CDKAL1: variants seen among roughly 807,000 people sequenced by gnomAD.
CDKAL1 encodes CDKAL1 threonylcarbamoyladenosine tRNA methylthiotransferase.
A neutral mutation model predicts 68.2 loss-of-function variants in CDKAL1; 32 were observed. The observed-to-expected ratio is 0.47, with a 90% CI of 0.35 to 0.63. The LOEUF (loss-of-function observed/expected upper bound fraction) is 0.63, where lower values mean the gene tolerates loss of function less well. Among genes scored for constraint, CDKAL1 ranks in the 30% least tolerant of loss-of-function variants. The pLI, the probability that CDKAL1 is intolerant of heterozygous loss-of-function variation, is 0.00. For synonymous variants in CDKAL1, 234 were observed against 244.3 expected (o/e 0.96, Z 0.39); for missense variants, 606 against 696.7 (o/e 0.87, Z 1.47).
intron 6 of CDKAL1, among the ~76,000 whole-genome samples, chr6:20,740,551 A>G (rs537092069): frequency 2.0e-5 from 3 of 152,306 alleles, no homozygotes; most frequent in South Asian, 2.1e-4. Context: ...AAAAGGCTAC[A>G]TTAATTTAAA....
At chr6:20,966,381 G>A (rs1765314473) in intron 10 of CDKAL1, among the ~76,000 whole-genome samples, 1 of 152,134 alleles carries the variant, frequency 6.6e-6, no homozygotes, top group East Asian at 1.9e-4. Context: ...AAGGATTATT[G>A]TTATTATAGA....
At chr6:20,721,058 C>A (rs1299569230) in intron 5 of CDKAL1, among the ~76,000 whole-genome samples, 1 of 152,132 alleles carries the variant, frequency 6.6e-6, no homozygotes, top group African/African-American at 2.4e-5. Flanking sequence ...GTATGCTGCA[C>A]CCGTTAACTG....
intron 13 of CDKAL1, among the ~76,000 whole-genome samples, chr6:21,156,032 C>T (rs531935441): frequency 2.6e-5 from 4 of 152,084 alleles, no homozygotes; most frequent in Admixed American, 6.6e-5. Context: ...GGGAGGGGAG[C>T]GTTCACTGAT....
intron 9 of CDKAL1, among the ~76,000 whole-genome samples, chr6:20,938,684 A>G (rs1763836284): frequency 2.0e-5 from 3 of 151,926 alleles, no homozygotes. Context: ...GCTATTCTCC[A>G]TTTGTGTGGA....
intron 13 of CDKAL1, among the ~76,000 whole-genome samples, chr6:21,132,101 GCTAA>G (rs1775354479): frequency 1.3e-5 from 2 of 152,070 alleles, no homozygotes; most frequent in African/African-American, 4.8e-5. Context: ...TTAGAAAGAG[GCTAA>G]TAGTTCATAT....
intron 6 of CDKAL1, among the ~76,000 whole-genome samples, chr6:20,742,701 T>C (rs1250759357): frequency 2.0e-5 from 3 of 152,040 alleles, no homozygotes; most frequent in East Asian, 1.9e-4. Flanking sequence ...AATTTGAAAT[T>C]AGTATATTTT....
At chr6:20,614,763 G>T (rs1016622774) in intron 4 of CDKAL1, among the ~76,000 whole-genome samples, 27 of 152,074 alleles carry the variant, frequency 1.8e-4, no homozygotes, top group Non-Finnish European at 3.7e-4. Context: ...ACTTTCAAAA[G>T]ATAATCAAAT....
intron 13 of CDKAL1, among the ~76,000 whole-genome samples, chr6:21,153,719 G>A (rs970482820): frequency 1.3e-5 from 2 of 152,300 alleles, no homozygotes; most frequent in Non-Finnish European, 2.9e-5. Flanking sequence ...ATAAATGAGA[G>A]AAAGGGTAAT....
At chr6:21,090,458 A>T (rs1772939420) in intron 12 of CDKAL1, among the ~76,000 whole-genome samples, 1 of 152,254 alleles carries the variant, frequency 6.6e-6, no homozygotes, top group Non-Finnish European at 1.5e-5. Context: ...TTTTCATAAA[A>T]TATAAAATCC....
At chr6:21,129,452 G>T (rs1389120433) in intron 13 of CDKAL1, among the ~76,000 whole-genome samples, 1 of 151,922 alleles carries the variant, frequency 6.6e-6, no homozygotes, top group Non-Finnish European at 1.5e-5. Flanking sequence ...CCAACCTACT[G>T]TGAGTAGAAA....
intron 8 of CDKAL1, among the ~76,000 whole-genome samples, chr6:20,804,729 T>C (rs1172646983): frequency 6.6e-6 from 1 of 152,162 alleles, no homozygotes; most frequent in Non-Finnish European, 1.5e-5. Context: ...CTGCCATCTT[T>C]AGAAGGATCT....
chr6:20,870,603 C>T (rs1003929740), intron 9 of CDKAL1, among the ~76,000 whole-genome samples: 5 of 151,992 alleles, frequency 3.3e-5, no homozygotes, highest in Non-Finnish European at 7.4e-5. Context: ...GCATTTTTTT[C>T]CCCTCATACA....
intron 15 of CDKAL1, among the ~76,000 whole-genome samples, chr6:21,213,827 C>T (rs887232416): frequency 2.6e-5 from 4 of 152,138 alleles, no homozygotes; most frequent in Non-Finnish European, 4.4e-5. Flanking sequence ...CAGAGCATTC[C>T]GTATATAGCC....
At chr6:21,206,590 A>G (rs1278975954) in intron 15 of CDKAL1, among the ~76,000 whole-genome samples, 5 of 152,158 alleles carry the variant, frequency 3.3e-5, no homozygotes, top group Admixed American at 2.6e-4. Context: ...TTTGATTGCA[A>G]AGTTTTTTTT....
chr6:21,081,815 T>G (rs1489702816), intron 12 of CDKAL1, among the ~76,000 whole-genome samples: 1 of 151,964 alleles, frequency 6.6e-6, no homozygotes, highest in Non-Finnish European at 1.5e-5. Flanking sequence ...TGACCTCATG[T>G]AATCCACCCA....
In CDKAL1 at chr6:21,226,655, T is replaced by C. The variant is rs117069993; in HGVS notation, c.1549-4193T>C. Among the ~76,000 whole-genome samples the C allele has an allele frequency of 1.1e-4, 16 of 152,366 alleles. No homozygotes were observed. The East Asian group carries it at 3.1e-3, about 29-fold the overall frequency. On this transcript the variant is annotated intron_variant, in intron 15 of 15. Transcript: ENST00000274695. ...GCATTTCTGAGTAGAATTTGAGTTCTTAAAAATTGTCTGAGTTGATGTTCC... is the reference window on the plus strand; with the variant it reads ...GCATTTCTGAGTAGAATTTGAGTTCCTAAAAATTGTCTGAGTTGATGTTCC...
chr6:20,847,188 C>T (rs1298942770), intron 9 of CDKAL1, among the ~76,000 whole-genome samples: 1 of 152,182 alleles, frequency 6.6e-6, no homozygotes, highest in Non-Finnish European at 1.5e-5. Flanking sequence ...TCAGTCCCCT[C>T]CTCCTTTCAC....
chr6:21,214,197 T>G lies in CDKAL1; in HGVS notation c.1548+12923T>G, dbSNP rs948569775. Among the ~76,000 whole-genome samples, 20 of 152,276 alleles carry G rather than the reference T, an allele frequency of 1.3e-4. No homozygotes were observed. The South Asian group carries it at 1.9e-3, about 14-fold the overall frequency. ...TGGAGATGGGGAGTTCCTTAAGGGT[T>G]ACAGAGTTTCTGCTTGGGGTGATAA... On this transcript the variant is annotated intron_variant, in intron 15 of 15. Coordinates refer to ENST00000274695, the MANE Select transcript of CDKAL1 (RefSeq NM_017774.3).
intron 4 of CDKAL1, among the ~76,000 whole-genome samples, chr6:20,601,156 G>A (rs567630435): frequency 2.6e-5 from 4 of 152,086 alleles, no homozygotes; most frequent in Admixed American, 6.5e-5. Context: ...TGTTATTGAC[G>A]AATGCCTTGT....
Sources: allele counts gnomAD v4.1 joint callset (sites outside exome capture counted in the v4.1 genomes callset), GRCh38; gene constraint gnomAD v4.1.1; transcripts MANE v1.5; gene names NCBI Gene and HGNC (gene_info 2026-07-23, HGNC 2026-07-21).